The following AGL variants were observed in gnomAD, a reference collection of about 807,000 sequenced individuals.
AGL encodes the protein glycogen debranching enzyme.
AGL carries 128 observed loss-of-function variants against 199.3 expected under a neutral mutation model. The ratio of observed to expected loss-of-function variants is 0.64; its 90% confidence interval spans 0.56 to 0.74. The LOEUF (loss-of-function observed/expected upper bound fraction) is 0.74. Among genes scored for constraint, AGL ranks in the 30% least tolerant of loss-of-function variants. The probability of loss-of-function intolerance (pLI) is 0.00; values close to 1 mark genes in which losing one functional copy is unlikely to be tolerated. For missense variants in AGL, 1,809 were observed against 1,820.8 expected (o/e 0.99, Z 0.12); for synonymous variants, 584 against 594.7 (o/e 0.98, Z 0.26).
At chr1:99,888,555 T>C (rs1652635107) in intron 21 of AGL, among the ~76,000 whole-genome samples, 1 of 152,216 alleles carries the variant, frequency 6.6e-6, no homozygotes. Flanking sequence ...GTTGTAAATA[T>C]AATCCATTCA....
At chr1:99,910,478 T>G (rs1654659219) in intron 27 of AGL, among the ~76,000 whole-genome samples, 2 of 152,146 alleles carry the variant, frequency 1.3e-5, no homozygotes, top group Admixed American at 1.3e-4. Context: ...TGCACATAAG[T>G]AAGGGTTTCT....
rs532301429 is a variant in AGL at position 99,863,173 on chromosome 1, C to T, written c.460+750C>T. ...CAGGCTGGTCTCAAACTTCTGACCT[C>T]GTGATCTGCCCACCTTGGCCTCCCA... On this transcript the variant is annotated intron_variant, in intron 4 of 33. Coordinates refer to ENST00000361915, the MANE Select transcript of AGL (RefSeq NM_000642.3). 1.2e-4 allele frequency among the ~76,000 whole-genome samples: 18 copies of T among 151,994 alleles called. No individual in the cohort carries two copies. The East Asian group carries it at 1.4e-3, about 12-fold the overall frequency.
intron 4 of AGL, among the ~76,000 whole-genome samples, chr1:99,863,043 G>A (rs560939594): frequency 3.2e-4 from 49 of 151,936 alleles, no homozygotes; most frequent in Non-Finnish European, 5.6e-4. Context: ...GGGTTCAAAC[G>A]ATTTTCCTGC....
intron 2 of AGL, 89 bp from the exon 3 acceptor site, chr1:99,861,414 G>A: frequency 6.3e-7 from 1 of 1,582,052 alleles, no homozygotes; most frequent in South Asian, 1.2e-5. Flanking sequence ...AAAAATCAAG[G>A]TTTTTTAATA....
At chr1:99,854,434 T>A (rs1649235384) in intron 2 of AGL, among the ~76,000 whole-genome samples, 1 of 152,184 alleles carries the variant, frequency 6.6e-6, no homozygotes, top group Non-Finnish European at 1.5e-5. Flanking sequence ...TGTGCCACCT[T>A]TTTTTGCAGT....
chr1:99,849,879 C>T (rs1187979091), upstream of AGL, among the ~76,000 whole-genome samples: 1 of 152,190 alleles, frequency 6.6e-6, no homozygotes, highest in Non-Finnish European at 1.5e-5. Flanking sequence ...GCCGGTACCG[C>T]GGGATTTTAA....
At chr1:99,855,469 T>A (rs571250494) in intron 2 of AGL, among the ~76,000 whole-genome samples, 3 of 152,148 alleles carry the variant, frequency 2.0e-5, no homozygotes, top group Admixed American at 6.5e-5. Flanking sequence ...AATCATAGCT[T>A]TTTCGCTTAT....
chr1:99,916,137 C>T (rs1190557010), intron 31 of AGL, among the ~76,000 whole-genome samples: 1 of 151,980 alleles, frequency 6.6e-6, no homozygotes, highest in African/African-American at 2.4e-5. Flanking sequence ...ATATTTAGTG[C>T]CAGGCTAACT....
At chr1:99,859,334 A>G (rs1380038882) in intron 2 of AGL, among the ~76,000 whole-genome samples, 2 of 150,578 alleles carry the variant, frequency 1.3e-5, no homozygotes, top group Non-Finnish European at 2.9e-5. Context: ...ATGCAAATGT[A>G]TAAAAAGCAT....
intron 5 of AGL, among the ~76,000 whole-genome samples, chr1:99,867,735 T>A (rs1280841669): frequency 6.6e-6 from 1 of 151,984 alleles, no homozygotes; most frequent in Non-Finnish European, 1.5e-5. Flanking sequence ...TTTATATTTT[T>A]AGTAGAGTTG....
intron 2 of AGL, among the ~76,000 whole-genome samples, chr1:99,856,145 C>T (rs1649397007): frequency 6.6e-6 from 1 of 152,222 alleles, no homozygotes; most frequent in South Asian, 2.1e-4. Context: ...GTCATGGAAT[C>T]TGACCTACTG....
rs1450595110 is a variant in AGL at position 99,851,127 on chromosome 1, C to A, written c.82+3C>A. 1 of 1,612,798 alleles carries A rather than the reference C, an allele frequency of 6.2e-7. No homozygotes were observed. Among genetic ancestry groups the A allele is most frequent in the Non-Finnish European group, 8.5e-7 (1 of 1,178,826 alleles). On this transcript the variant is annotated splice_donor_region_variant and intron_variant, in intron 2 of 33. Coordinates refer to ENST00000361915, the MANE Select transcript of AGL (RefSeq NM_000642.3). ...GACCCTCTTCAGACTTGAACAAGGT[C>A]AGTAGCAAGTTGTTTTGATTTGCTC...
chr1:99,865,583 CAA>C (rs1172266795), intron 5 of AGL, among the ~76,000 whole-genome samples: 1 of 152,248 alleles, frequency 6.6e-6, no homozygotes, highest in African/African-American at 2.4e-5. Flanking sequence ...CCTAGCCTGA[CAA>C]AGCGTGGCCA....
At position 99,851,209 on chromosome 1, in the gene AGL, C is replaced by T. The variant is rs663848; in HGVS notation, c.82+85C>T. 0.72 allele frequency: 882,379 copies of T among 1,229,216 alleles called. 319,054 individuals carry two copies. Among genetic ancestry groups the T allele is most frequent in the African/African-American group, 0.92 (61,541 of 67,230 alleles). 76.1% of individuals were successfully genotyped at this position (1,229,216 alleles called of 1,614,324 possible). ...CAGTCCTGTTAAATGTTTTAAAGCT[C>T]TAAGATAAATATTATTTCCAAGGGT... is the stretch of plus-strand genomic sequence containing the variant. On this transcript the variant is annotated intron_variant, in intron 2 of 33. Transcript: ENST00000361915.
chr1:99,852,037 T>C (rs557111760), intron 2 of AGL, among the ~76,000 whole-genome samples: 1 of 152,286 alleles, frequency 6.6e-6, no homozygotes, highest in Non-Finnish European at 1.5e-5. Flanking sequence ...GATTTTTTTT[T>C]CCCCCTCCCC....
intron 2 of AGL, among the ~76,000 whole-genome samples, chr1:99,855,567 G>A (rs1649352576): frequency 6.6e-6 from 1 of 152,076 alleles, no homozygotes; most frequent in South Asian, 2.1e-4. Flanking sequence ...TTGGGAGGCC[G>A]AGGCGGGTAG....
chr1:99,912,417 T>G lies in AGL; in HGVS notation c.3849T>G (p.Ala1283=). The change falls in exon 29 of 34, where the codon GCT becomes GCG. Residue 1283 remains alanine, a synonymous_variant. Transcript: ENST00000361915. ...TTTTTAATTTTAGAGATGGGTCTGC[T>G]GTGGAAATTGTGGGCCTGAGTAAAT... ...GIPATPRDGS[A]VEIVGLSKSA... 1 of 1,613,896 alleles carries G rather than the reference T, an allele frequency of 6.2e-7. No homozygotes were observed. The highest frequency in any genetic ancestry group is 8.5e-7 in the Non-Finnish European group (1 of 1,179,840).
In AGL at chr1:99,884,827, G is replaced by A. The variant is rs2234707; in HGVS notation, c.2681+124G>A. The A allele has an allele frequency of 0.55, 638,259 of 1,162,094 alleles. 177,091 individuals carry two copies. The highest frequency in any genetic ancestry group is 0.68 in the East Asian group (28,593 of 42,176). The allele number at this position is 1,162,094 out of a possible 1,614,324, so 72.0% of individuals were successfully genotyped here. A position where few individuals can be genotyped will look rare whatever the true frequency, so the allele number is the denominator to read the frequency against. ...TCAAAGTACGGTCCAAGGACCAGCA[G>A]TGTCAGCATCACCTGTTGTTAACAT... is the stretch of plus-strand genomic sequence containing the variant. On this transcript the variant is annotated intron_variant, in intron 20 of 33. Coordinates refer to ENST00000361915, the MANE Select transcript of AGL (RefSeq NM_000642.3).
chr1:99,913,167 C>CCAAG (rs1351903900), intron 29 of AGL, among the ~76,000 whole-genome samples: 1 of 151,686 alleles, frequency 6.6e-6, no homozygotes, highest in African/African-American at 2.4e-5. Flanking sequence ...TTGCGGTGAG[C>CCAAG]CAAGTTCATA....
Sources: allele counts gnomAD v4.1 joint callset (sites outside exome capture counted in the v4.1 genomes callset), GRCh38; gene constraint gnomAD v4.1.1; transcripts MANE v1.5; gene names NCBI Gene and HGNC (gene_info 2026-07-23, HGNC 2026-07-21).